Variants in UBE2L6 observed in about 807,000 individuals in gnomAD.
The protein encoded by UBE2L6 is ubiquitin conjugating enzyme E2 L6.
Under a neutral mutation model 13.6 loss-of-function variants are expected in UBE2L6, and 11 were observed. That is an observed-to-expected ratio of 0.81 (90% CI 0.51 to 1.34). The LOEUF (loss-of-function observed/expected upper bound fraction) is 1.34, where lower values mean the gene tolerates loss of function less well. Among genes scored for constraint, UBE2L6 ranks in the 40% most tolerant of loss-of-function variants. The pLI, the probability that UBE2L6 is intolerant of heterozygous loss-of-function variation, is 0.00. For synonymous variants in UBE2L6, 74 were observed against 83.2 expected, an observed-to-expected ratio of 0.89 and a Z score of 0.60; for missense variants, 197 against 199.5, an observed-to-expected ratio of 0.99 and a Z score of 0.07.
Position 57,552,426 on chromosome 11 carries a change from T to G in UBE2L6, c.394A>C (p.Asn132His), listed in dbSNP as rs780534083. 3 of 1,614,184 alleles carry G rather than the reference T, an allele frequency of 1.9e-6. No homozygotes were observed. Among genetic ancestry groups the G allele is most frequent in the Non-Finnish European group, 2.5e-6 (3 of 1,180,032 alleles). Reference protein sequence around the residue: ...RMDLADLLTQNPELFRKNAEE... With the variant: ...RMDLADLLTQHPELFRKNAEE... ...GCATTCTTTCTGAACAGCTCCGGAT[T>G]CTGTGTCAGCAGGTCAGCGAGGTCC... Residue 132 changes from asparagine (N) to histidine (H), a missense_variant, in exon 4 of 4, where the codon AAT (asparagine) becomes CAT (histidine). By Grantham distance (68) the Asn-to-His change is moderately conservative. Transcript: ENST00000287156.
intron 1 of UBE2L6, among the ~76,000 whole-genome samples, chr11:57,563,211 C>G (rs1030714250): frequency 3.3e-5 from 5 of 151,894 alleles, no homozygotes; most frequent in African/African-American, 1.2e-4. Flanking sequence ...CAATTGAGGC[C>G]GGGTGCAGTG....
intron 2 of UBE2L6, among the ~76,000 whole-genome samples, chr11:57,559,975 C>T (rs1403272615): frequency 5.3e-5 from 8 of 152,132 alleles, no homozygotes; most frequent in Admixed American, 5.2e-4. Context: ...CAAATTCTCC[C>T]AACTGTGAGA....
chr11:57,563,629 A>T (rs1421661765), intron 1 of UBE2L6, among the ~76,000 whole-genome samples: 2 of 151,744 alleles, frequency 1.3e-5, no homozygotes, highest in Non-Finnish European at 2.9e-5. Flanking sequence ...GCAAAATAAT[A>T]AAAGAATAAA....
intron 2 of UBE2L6, among the ~76,000 whole-genome samples, chr11:57,556,869 T>C (rs1205140403): frequency 6.6e-6 from 1 of 151,798 alleles, no homozygotes; most frequent in Non-Finnish European, 1.5e-5. Context: ...ATGGATTGCC[T>C]GGGCTCAGGA....
intron 2 of UBE2L6, among the ~76,000 whole-genome samples, chr11:57,556,173 T>G (rs1310930683): frequency 6.6e-6 from 1 of 152,084 alleles, no homozygotes; most frequent in Non-Finnish European, 1.5e-5. Context: ...GTGATTCAAC[T>G]CTGACACTCA....
intron 3 of UBE2L6, among the ~76,000 whole-genome samples, chr11:57,553,910 A>G (rs1944977824): frequency 6.6e-6 from 1 of 152,226 alleles, no homozygotes; most frequent in Non-Finnish European, 1.5e-5. Flanking sequence ...TGTCATCTGT[A>G]TGACCTTAGG....
Position 57,563,052 on chromosome 11 carries a change from CAG to C in UBE2L6, c.28-2622_28-2621del, listed in dbSNP as rs562246436. ...AAACAGAGATATGTGACCTTTCAGA[CAG>C]AGAAATCAAAATAGCTGTTTTGAGG... On this transcript the variant is annotated intron_variant, in intron 1 of 3. Coordinates refer to ENST00000287156, the MANE Select transcript of UBE2L6 (RefSeq NM_004223.5). Among the ~76,000 whole-genome samples, 15 of 152,238 alleles carry C rather than the reference CAG, an allele frequency of 9.9e-5. No homozygotes were observed. In the East Asian group the frequency reaches 2.7e-3, roughly 27 times the overall value.
At chr11:57,561,212 A>C (rs1341628849) in intron 1 of UBE2L6, among the ~76,000 whole-genome samples, 1 of 152,144 alleles carries the variant, frequency 6.6e-6, no homozygotes, top group African/African-American at 2.4e-5. Context: ...ACTCTGCCAG[A>C]TCAGGGCTGG....
intron 2 of UBE2L6, among the ~76,000 whole-genome samples, chr11:57,558,437 A>C (rs1345956522): frequency 6.6e-6 from 1 of 152,200 alleles, no homozygotes; most frequent in Admixed American, 6.6e-5. Flanking sequence ...TTAAAAGAGA[A>C]GACCCTGGAG....
chr11:57,560,504 A>G, intron 1 of UBE2L6, 72 bp from the exon 2 acceptor site: 1 of 1,207,968 alleles, frequency 8.3e-7, no homozygotes, highest in South Asian at 1.2e-5. Context: ...CTGCCCCAGC[A>G]GCAAGCTGCC....
chr11:57,564,468 G>A (rs1299671745), intron 1 of UBE2L6, among the ~76,000 whole-genome samples: 1 of 152,194 alleles, frequency 6.6e-6, no homozygotes, highest in Non-Finnish European at 1.5e-5. Flanking sequence ...CTAAAAAGGA[G>A]TTCTTCAATC....
At chr11:57,566,399 C>T (rs191069141) in intron 1 of UBE2L6, among the ~76,000 whole-genome samples, 68 of 152,326 alleles carry the variant, frequency 4.5e-4, no homozygotes, top group African/African-American at 1.6e-3. Flanking sequence ...TCCCATTGCT[C>T]CTTACTGAAA....
At chr11:57,565,525 C>G (rs1033871869) in intron 1 of UBE2L6, among the ~76,000 whole-genome samples, 11 of 151,596 alleles carry the variant, frequency 7.3e-5, no homozygotes, top group African/African-American at 2.7e-4. Flanking sequence ...CTACCATGCC[C>G]GGCTAATTTT....
At chr11:57,557,381 C>T (rs568831829) in intron 2 of UBE2L6, among the ~76,000 whole-genome samples, 27 of 148,762 alleles carry the variant, frequency 1.8e-4, no homozygotes, top group Middle Eastern at 3.6e-3. Flanking sequence ...GAAGGAGATG[C>T]TGGTGCCATG....
intron 2 of UBE2L6, among the ~76,000 whole-genome samples, chr11:57,557,026 C>T (rs555626157): frequency 6.7e-6 from 1 of 150,288 alleles, no homozygotes; most frequent in African/African-American, 2.4e-5. Context: ...GCAGAGGTTG[C>T]AGTGAGTCTT....
At chr11:57,566,942 T>TCC in intron 1 of UBE2L6, 1 of 193,392 alleles carries the variant, frequency 5.2e-6, no homozygotes, top group Admixed American at 7.4e-5. Flanking sequence ...TGTTCATCTC[T>TCC]GCCCGCCCCC....
intron 1 of UBE2L6, 86 bp downstream of exon 1, chr11:57,567,499 C>T: frequency 6.4e-7 from 1 of 1,552,248 alleles, no homozygotes; most frequent in Non-Finnish European, 8.8e-7. Context: ...TAAATGTGCT[C>T]GGAGAGCCGC....
chr11:57,555,945 T>G (rs1218271123), intron 2 of UBE2L6, among the ~76,000 whole-genome samples: 2 of 152,332 alleles, frequency 1.3e-5, no homozygotes, highest in African/African-American at 4.8e-5. Context: ...TTTTGTTATG[T>G]GTATTTTACT....
At chr11:57,562,224 G>T (rs1353255919) in intron 1 of UBE2L6, among the ~76,000 whole-genome samples, 1 of 152,232 alleles carries the variant, frequency 6.6e-6, no homozygotes, top group Non-Finnish European at 1.5e-5. Flanking sequence ...TGGACAAGGG[G>T]AGAGACTCCT....
Sources: allele counts gnomAD v4.1 joint callset (sites outside exome capture counted in the v4.1 genomes callset), GRCh38; gene constraint gnomAD v4.1.1; transcripts MANE v1.5; gene names NCBI Gene and HGNC (gene_info 2026-07-23, HGNC 2026-07-21).